The following WIZ variants were observed in gnomAD, a reference collection of about 807,000 sequenced individuals.
WIZ encodes the protein WIZ zinc finger, also known as protein Wiz.
WIZ carries 25 observed loss-of-function variants against 140.2 expected under a neutral mutation model. The ratio of observed to expected loss-of-function variants is 0.18; its 90% CI spans 0.13 to 0.25. The LOEUF (loss-of-function observed/expected upper bound fraction) is 0.25, where lower values mean the gene tolerates loss of function less well. Among genes scored for constraint, WIZ ranks in the 10% least tolerant of loss-of-function variants. The pLI, the probability that WIZ is intolerant of heterozygous loss-of-function variation, is 1.00. For missense variants in WIZ, 2,231 were observed against 2,632.6 expected, an observed-to-expected ratio of 0.85 and a Z score of 3.34; for synonymous variants, 1,125 against 1,154.3, an observed-to-expected ratio of 0.97 and a Z score of 0.51.
chr19:15,439,018 T>C lies in WIZ; in HGVS notation c.1976A>G (p.Gln659Arg). Reference sequence around the variant, plus strand: ...TGCCTGCAGGGCCTCTCGGAATGCCTGCTTCAGCTCCAGGGCCGCCTGCGG... The same window carrying C: ...TGCCTGCAGGGCCTCTCGGAATGCCCGCTTCAGCTCCAGGGCCGCCTGCGG... ...LIPQAALELK[Q>R]AFREALQAVE... The change falls in exon 4 of 13, where the codon CAG becomes CGG. Residue 659 changes from glutamine to arginine, a missense_variant. Gln to Arg is a conservative substitution (Grantham distance 43). This residue lies in a region of WIZ where 475 missense variants were observed against 520.2 expected (regional missense o/e 0.91). Coordinates refer to ENST00000673675, the MANE Select transcript of WIZ (RefSeq NM_001371589.1). The surrounding 1 kb of genome is among the most constrained non-coding windows in gnomAD (Gnocchi z 7.0). 6.7e-7 allele frequency: 1 copy of C among 1,494,858 alleles called. No homozygotes were observed. The allele number at this position is 1,494,858 out of a possible 1,614,324, so 92.6% of individuals were successfully genotyped here.
At chr19:15,444,282 G>T (rs924140635) in intron 2 of WIZ, among the ~76,000 whole-genome samples, 5 of 152,150 alleles carry the variant, frequency 3.3e-5, no homozygotes, top group African/African-American at 4.8e-5. Context: ...GACCAGAAAG[G>T]TGTGGTCACT....
At position 15,424,740 on chromosome 19, in the gene WIZ, G is replaced by A. The variant is rs61744909; in HGVS notation, c.5187C>T (p.Val1729=). ...LGLAPGGLAV[V]GRSAGGEPGP... is the part of the protein sequence containing the mutation. ...CTGGCTCCCCTCCGGCACTGCGGCC[G>A]ACCACGGCCAGGCCCCCGGGTGCCA... is the stretch of plus-strand genomic sequence containing the variant. The change falls in exon 11 of 13, where the codon GTC becomes GTT. Residue 1729 remains valine (V), a synonymous_variant. Transcript: ENST00000673675. The surrounding 1 kb of genome is among the most constrained non-coding windows in gnomAD (Gnocchi z 9.7). The A allele has an allele frequency of 2.4e-5, 37 of 1,570,538 alleles. No homozygotes were observed. Among genetic ancestry groups the A allele is most frequent in the Admixed American group, 7.2e-5 (4 of 55,798 alleles).
At chr19:15,448,505 G>A in intron 1 of WIZ, 138 bp from the exon 2 acceptor site, 1 of 662,600 alleles carries the variant, frequency 1.5e-6, no homozygotes, top group Non-Finnish European at 2.6e-6. Flanking sequence ...AGCTAATGGT[G>A]TTCAGACCTT....
In WIZ at chr19:15,428,034, A is replaced by G; in HGVS notation, c.3814+76T>C. 1 of 1,501,238 alleles carries G rather than the reference A, an allele frequency of 6.7e-7. No homozygotes were observed. Among genetic ancestry groups the G allele is most frequent in the Non-Finnish European group, 8.9e-7 (1 of 1,129,170 alleles). 93.0% of individuals were successfully genotyped at this position (1,501,238 alleles called of 1,614,324 possible). Reference sequence around the variant, plus strand: ...CTGTCTACTCCCTGCCCCAGCAGGGAGGGGGCTGTGACCCCCCCCCCGGGA... The same window carrying G: ...CTGTCTACTCCCTGCCCCAGCAGGGGGGGGGCTGTGACCCCCCCCCCGGGA... On this transcript the variant is annotated intron_variant, in intron 8 of 12. Transcript: ENST00000673675. The surrounding 1 kb of genome is among the most constrained non-coding windows in gnomAD (Gnocchi z 6.4).
At chr19:15,447,970 A>G in intron 2 of WIZ, 133 bp downstream of exon 2, 1 of 1,059,514 alleles carries the variant, frequency 9.4e-7, no homozygotes, top group Non-Finnish European at 1.4e-6. Context: ...AACAGAGTAC[A>G]AAGAAAAGGC....
In WIZ at chr19:15,422,404, T is replaced by G. The variant is rs1968426334; in HGVS notation, c.*672A>C. 2 of 151,388 alleles carry G rather than the reference T, an allele frequency of 1.3e-5. No individual in the cohort carries two copies. The allele number at this position is 151,388 out of a possible 1,614,324, so 9.4% of individuals were successfully genotyped here. ...GCCCCTGAGGCTCTTTGGGGGGCCTTGACATGGCAGGAGGCAGCTGTCAGC... is the reference window on the plus strand; with the variant it reads ...GCCCCTGAGGCTCTTTGGGGGGCCTGGACATGGCAGGAGGCAGCTGTCAGC... On this transcript the variant is annotated 3_prime_UTR_variant, in exon 13 of 13. Transcript: ENST00000673675.
chr19:15,447,997 A>G, intron 2 of WIZ, 106 bp downstream of exon 2: 1 of 1,321,140 alleles, frequency 7.6e-7, no homozygotes, highest in Non-Finnish European at 1.1e-6. Context: ...CCCAAGCGGA[A>G]TCAGCATCCC....
chr19:15,429,109 G>A lies in WIZ; in HGVS notation c.3415+477C>T, dbSNP rs1326984805. Among the ~76,000 whole-genome samples the A allele has an allele frequency of 7.9e-5, 12 of 152,166 alleles. 1 individual carries two copies. Among genetic ancestry groups the A allele is most frequent in the Admixed American group, 4.6e-4 (7 of 15,282 alleles). On this transcript the variant is annotated intron_variant, in intron 7 of 12. Coordinates refer to ENST00000673675, the MANE Select transcript of WIZ (RefSeq NM_001371589.1). ...GCAGCCCAGGAGGTGGGGCTTCACC[G>A]GCAGGCGCAGAGAGCTGCCTCTGCG...
At chr19:15,431,338 C>T (rs1174622578) in intron 5 of WIZ, among the ~76,000 whole-genome samples, 156 bp from the exon 6 acceptor site, 1 of 152,228 alleles carries the variant, frequency 6.6e-6, no homozygotes, top group African/African-American at 2.4e-5. Flanking sequence ...ACCCCCAGCA[C>T]CAGTCCAGTG....
chr19:15,429,323 A>G (rs561725087), intron 7 of WIZ, among the ~76,000 whole-genome samples: 2 of 152,220 alleles, frequency 1.3e-5, no homozygotes, highest in South Asian at 4.2e-4. Context: ...GGCGAGCATG[A>G]CCCTGGCAGG....
intron 5 of WIZ, among the ~76,000 whole-genome samples, chr19:15,431,663 G>C (rs997719444): frequency 6.6e-6 from 1 of 152,218 alleles, no homozygotes; most frequent in African/African-American, 2.4e-5. Flanking sequence ...ATCTCCACCA[G>C]ACAAGACAGC....
Position 15,439,723 on chromosome 19 carries a change from A to G in WIZ, c.1271T>C (p.Met424Thr). 2.7e-6 allele frequency: 4 copies of G among 1,479,240 alleles called. No homozygotes were observed. The highest frequency in any genetic ancestry group is 1.4e-5 in the African/African-American group (1 of 70,774). 91.6% of individuals were successfully genotyped at this position (1,479,240 alleles called of 1,614,324 possible). A position where few individuals can be genotyped will look rare whatever the true frequency, so the allele number is the denominator to read the frequency against. The change falls in exon 4 of 13, where the codon ATG becomes ACG. Residue 424 changes from methionine to threonine, a missense_variant. By Grantham distance (81) the Met-to-Thr change is moderately conservative. Coordinates refer to ENST00000673675, the MANE Select transcript of WIZ (RefSeq NM_001371589.1). This position sits in a 1 kb window ranked among gnomAD's most constrained non-coding sequence, Gnocchi z 7.0. ...GGTGGTCTGGCCTGGGGGCTCACGC[A>G]TGTGCAGCTTGGCATGCTGCACATA... ...RAYVQHAKLHMREPPGQTTKE... is the reference protein window; with the variant it reads ...RAYVQHAKLHTREPPGQTTKE...
Position 15,439,961 on chromosome 19 carries a change from G to C in WIZ, c.1033C>G (p.Pro345Ala), listed in dbSNP as rs753696631. The C allele has an allele frequency of 6.5e-7, 1 of 1,535,630 alleles. No individual in the cohort carries two copies. The highest frequency in any genetic ancestry group is 1.2e-5 in the South Asian group (1 of 84,046). ...GCCAGCGGGGCCAGGTCCGCAGGGG[G>C]CTCCTGGCCCGGGGCTCGGCGGTGC... ...SQHRRAPGQE[P>A]PADLAPLACG... Residue 345 changes from proline (P) to alanine (A), a missense_variant, in exon 4 of 13, where the codon CCC becomes GCC. Physicochemically the swap from Pro to Ala is conservative, Grantham distance 27. Around this residue, in one of 15 missense-constraint regions of WIZ, gnomAD observed 475 missense variants for 520.2 expected, o/e 0.91. Transcript: ENST00000673675. This position sits in a 1 kb window ranked among gnomAD's most constrained non-coding sequence, Gnocchi z 7.0.
chr19:15,429,902 G>A lies in WIZ; in HGVS notation c.3099C>T (p.Pro1033=). ...KGLPDAHLGL[P]PGLAKKSSSL... is the part of the protein sequence containing the mutation. ...AGCTGGACTTCTTAGCCAGGCCTGG[G>A]GGCAGCCCAAGGTGGGCGTCAGGCA... Residue 1033 remains proline (P), a synonymous_variant, in exon 7 of 13, where the codon CCC becomes CCT. Coordinates refer to ENST00000673675, the MANE Select transcript of WIZ (RefSeq NM_001371589.1). 2.0e-6 allele frequency: 3 copies of A among 1,535,954 alleles called. No individual in the cohort carries two copies. The highest frequency in any genetic ancestry group is 2.6e-6 in the Non-Finnish European group (3 of 1,146,776).
In WIZ at chr19:15,436,881, G is replaced by A. The variant is rs756915677; in HGVS notation, c.2665C>T (p.Arg889Cys). 28 of 1,612,806 alleles carry A rather than the reference G, an allele frequency of 1.7e-5. No homozygotes were observed. The East Asian group carries it at 4.0e-4, about 23-fold the overall frequency. Residue 889 changes from arginine (R) to cysteine (C), a missense_variant, in exon 5 of 13, where the codon CGT (arginine) becomes TGT (cysteine). This residue lies in a region of WIZ where 137 missense variants were observed against 135.8 expected (regional missense o/e 1.01). Transcript: ENST00000673675. ...ACCGTGAGAGGTAAGCGGGGCCGAC[G>A]GGAGGTCAGGAAGCTGCCAGGCGGA... ...GGPPGSFLTS[R>C]RPRLPLTVPF...
At chr19:15,430,527 A>G (rs539138663) in intron 6 of WIZ, among the ~76,000 whole-genome samples, 173 of 152,158 alleles carry the variant, frequency 1.1e-3, no homozygotes, top group African/African-American at 3.5e-3. Context: ...TCTTCCACAG[A>G]GCCTTTATCC....
rs1270400065 is a variant in WIZ at position 15,425,342 on chromosome 19, T to A, written c.4793A>T (p.Gln1598Leu). The A allele has an allele frequency of 6.4e-7, 1 of 1,562,370 alleles. No homozygotes were observed. Among genetic ancestry groups the A allele is most frequent in the African/African-American group, 1.4e-5 (1 of 73,656 alleles). The change falls in exon 10 of 13, where the codon CAG (glutamine) becomes CTG (leucine). Residue 1598 changes from glutamine to leucine, a missense_variant. By Grantham distance (113) the Gln-to-Leu change is moderately radical (BLOSUM62 -2). This residue lies in a region of WIZ where 393 missense variants were observed against 451.7 expected (regional missense o/e 0.87). Transcript: ENST00000673675. ...CTCTGCTGGGAGGAGGCGGTCCTCC[T>A]GCAGGGGCCGCTTGGCTGCCACTGA... Reference protein sequence around the residue: ...LGSVAAKRPLQEDRLLPAEVK... With the variant: ...LGSVAAKRPLLEDRLLPAEVK...
rs1333117978 is a variant in WIZ, at chr19:15,429,947, C to G, written c.3054G>C (p.Glu1018Asp). 2 of 1,536,046 alleles carry G rather than the reference C, an allele frequency of 1.3e-6. No individual in the cohort carries two copies. Among genetic ancestry groups the G allele is most frequent in the Admixed American group, 2.0e-5 (1 of 51,006 alleles). Residue 1018 changes from glutamate to aspartate, a missense_variant, in exon 7 of 13, where the codon GAG becomes GAC. Around this residue, in one of 15 missense-constraint regions of WIZ, gnomAD observed 163 missense variants for 166.8 expected, o/e 0.98. Coordinates refer to ENST00000673675, the MANE Select transcript of WIZ (RefSeq NM_001371589.1). ...SSGAPIDLLYELVKQKGLPDA... is the reference protein window; with the variant it reads ...SSGAPIDLLYDLVKQKGLPDA... Reference sequence around the variant, plus strand: ...CAGGCAGACCCTTCTGCTTCACAAGCTCGTAGAGGAGGTCGATGGGTGCGC... The same window carrying G: ...CAGGCAGACCCTTCTGCTTCACAAGGTCGTAGAGGAGGTCGATGGGTGCGC...
At position 15,442,772 on chromosome 19, in the gene WIZ, G is replaced by C; in HGVS notation, c.206-24C>G. ...GTCTGCAACAGAGAGGGGAGACCCT[G>C]AGGGGCTGGGGTCCCCCTGGCCGGG... On this transcript the variant is annotated intron_variant, in intron 2 of 12. Transcript: ENST00000673675. This position sits in a 1 kb window ranked among gnomAD's most constrained non-coding sequence, Gnocchi z 5.5. 1 of 1,229,488 alleles carries C rather than the reference G, an allele frequency of 8.1e-7. No homozygotes were observed. Among genetic ancestry groups the C allele is most frequent in the Non-Finnish European group, 1.0e-6 (1 of 985,736 alleles). The allele number at this position is 1,229,488 out of a possible 1,614,324, so 76.2% of individuals were successfully genotyped here. A position where few individuals can be genotyped will look rare whatever the true frequency, so the allele number is the denominator to read the frequency against.
Sources: allele counts gnomAD v4.1 joint callset (sites outside exome capture counted in the v4.1 genomes callset), GRCh38; gene constraint gnomAD v4.1.1; regional missense constraint gnomAD v4.1.1; non-coding constraint Gnocchi (gnomAD v3.1); transcripts MANE v1.5; gene names NCBI Gene and HGNC (gene_info 2026-07-23, HGNC 2026-07-21).